Variants in DLG2 observed in about 807,000 individuals in gnomAD.
The protein encoded by DLG2 is discs large MAGUK scaffold protein 2, also known as disks large homolog 2.
DLG2 carries 45 observed loss-of-function variants against 132.5 expected under a neutral mutation model. The observed-to-expected ratio is 0.34, with a 90% CI of 0.27 to 0.44. The LOEUF is 0.44. Among genes scored for constraint, DLG2 ranks in the 20% least tolerant of loss-of-function variants. DLG2 has a pLI of 1.00. For missense variants in DLG2, 1,045 were observed against 1,196.9 expected, an observed-to-expected ratio of 0.87 and a Z score of 1.87; for synonymous variants, 424 against 419.6, an observed-to-expected ratio of 1.01 and a Z score of -0.13.
At chr11:84,259,263 G>GAAAAAA (rs397968137) in intron 7 of DLG2, among the ~76,000 whole-genome samples, 78 of 97,294 alleles carry the variant, frequency 8.0e-4, no homozygotes, top group Non-Finnish European at 1.4e-3. Context: ...ACTGTGTCTC[G>GAAAAAA]AAAAAAAAAA....
At chr11:85,415,824 A>G (rs900557249) in intron 3 of DLG2, among the ~76,000 whole-genome samples, 3 of 150,812 alleles carry the variant, frequency 2.0e-5, no homozygotes, top group African/African-American at 7.3e-5. Flanking sequence ...TGATGATAGT[A>G]TCTATCATCA....
In DLG2 at chr11:85,321,072, T is replaced by C. The variant is rs541076273; in HGVS notation, c.41-35707A>G. 3.7e-4 allele frequency among the ~76,000 whole-genome samples: 57 copies of C among 152,042 alleles called. No individual in the cohort carries two copies. In the East Asian group the frequency reaches 8.9e-3, roughly 24 times the overall value. On this transcript the variant is annotated intron_variant, in intron 3 of 27. Transcript: ENST00000376104. ...CTACTGTTTAGGGAATAGGAAACTA[T>C]TGAGCACTCTAGGTAAGAGATGATA...
chr11:83,905,041 T>A (rs2074376067), intron 15 of DLG2, among the ~76,000 whole-genome samples: 1 of 152,174 alleles, frequency 6.6e-6, no homozygotes, highest in Non-Finnish European at 1.5e-5. Flanking sequence ...TAAACCAGCT[T>A]AATCTACTTT....
At chr11:85,335,711 G>T (rs542824527) in intron 3 of DLG2, among the ~76,000 whole-genome samples, 5 of 151,912 alleles carry the variant, frequency 3.3e-5, no homozygotes, top group African/African-American at 1.2e-4. Flanking sequence ...GACAAACACC[G>T]CATGTTCTCA....
At chr11:84,066,255 C>A (rs1356066496) in intron 10 of DLG2, among the ~76,000 whole-genome samples, 1 of 152,140 alleles carries the variant, frequency 6.6e-6, no homozygotes, top group Non-Finnish European at 1.5e-5. Flanking sequence ...TGCATATTCA[C>A]CTAAATATTA....
chr11:83,820,362 T>C (rs1053653776), intron 17 of DLG2, among the ~76,000 whole-genome samples: 9 of 152,184 alleles, frequency 5.9e-5, no homozygotes, highest in African/African-American at 1.7e-4. Context: ...ATTATAATAA[T>C]ACCATCCCCT....
At chr11:83,617,186 TA>T (rs1378294285) in intron 19 of DLG2, among the ~76,000 whole-genome samples, 2 of 152,158 alleles carry the variant, frequency 1.3e-5, no homozygotes, top group African/African-American at 4.8e-5. Flanking sequence ...AACAAATAAA[TA>T]AAAAATATCT....
chr11:84,404,435 A>G (rs969510946), intron 7 of DLG2, among the ~76,000 whole-genome samples: 7 of 152,108 alleles, frequency 4.6e-5, no homozygotes, highest in African/African-American at 9.7e-5. Flanking sequence ...CTACCTTTTC[A>G]TTGCAGTACG....
chr11:85,240,596 T>C (rs2075827341), intron 4 of DLG2, among the ~76,000 whole-genome samples: 1 of 151,890 alleles, frequency 6.6e-6, no homozygotes, highest in African/African-American at 2.4e-5. Flanking sequence ...ATCTTTGTGT[T>C]TGATGGAAGC....
At chr11:85,057,448 C>A (rs1025399410) in intron 6 of DLG2, among the ~76,000 whole-genome samples, 2 of 151,482 alleles carry the variant, frequency 1.3e-5, no homozygotes, top group Admixed American at 1.3e-4. Flanking sequence ...AGCCTAGCTG[C>A]AAAATAACTT....
chr11:84,985,298 A>G (rs1350226389), intron 6 of DLG2, among the ~76,000 whole-genome samples: 2 of 152,192 alleles, frequency 1.3e-5, no homozygotes, highest in Non-Finnish European at 2.9e-5. Flanking sequence ...ACAGTGCGTT[A>G]AAACTGGAAA....
At chr11:83,934,514 A>T (rs960634188) in intron 14 of DLG2, among the ~76,000 whole-genome samples, 1 of 151,808 alleles carries the variant, frequency 6.6e-6, no homozygotes, top group Non-Finnish European at 1.5e-5. Flanking sequence ...GCCCTGTATC[A>T]GAGATAATGT....
At chr11:84,102,152 C>A (rs997081702) in intron 9 of DLG2, among the ~76,000 whole-genome samples, 1 of 152,138 alleles carries the variant, frequency 6.6e-6, no homozygotes. Context: ...TATCACCCAA[C>A]CCTTCTCTAG....
At chr11:84,679,883 T>C (rs1201001621) in intron 6 of DLG2, among the ~76,000 whole-genome samples, 2 of 152,128 alleles carry the variant, frequency 1.3e-5, no homozygotes, top group African/African-American at 2.4e-5. Flanking sequence ...AATTTATTCA[T>C]GTAACAGTAT....
At chr11:83,587,312 A>C (rs1473286557) in intron 19 of DLG2, among the ~76,000 whole-genome samples, 2 of 151,534 alleles carry the variant, frequency 1.3e-5, no homozygotes, top group African/African-American at 4.9e-5. Context: ...GCTCTGTCAC[A>C]CAGGCTAGAG....
At chr11:84,838,354 T>A (rs902782245) in intron 6 of DLG2, among the ~76,000 whole-genome samples, 1 of 151,480 alleles carries the variant, frequency 6.6e-6, no homozygotes, top group Non-Finnish European at 1.5e-5. Flanking sequence ...AGCTAGTGGA[T>A]CCTGTCTTTA....
intron 8 of DLG2, among the ~76,000 whole-genome samples, chr11:84,181,934 G>A (rs552760841): frequency 6.6e-6 from 1 of 152,280 alleles, no homozygotes; most frequent in African/African-American, 2.4e-5. Flanking sequence ...TATAGTTGGA[G>A]ACTTGAACGC....
At chr11:84,592,149 C>T (rs1270522247) in intron 6 of DLG2, among the ~76,000 whole-genome samples, 3 of 152,184 alleles carry the variant, frequency 2.0e-5, no homozygotes, top group Non-Finnish European at 4.4e-5. Flanking sequence ...AACCACGGCA[C>T]CCAGCCAAGT....
At chr11:85,097,316 G>A (rs753594127) in intron 6 of DLG2, among the ~76,000 whole-genome samples, 1 of 152,102 alleles carries the variant, frequency 6.6e-6, no homozygotes, top group African/African-American at 2.4e-5. Context: ...TCAGGCAGGG[G>A]ACTATCTGGA....
Sources: allele counts gnomAD v4.1 joint callset (sites outside exome capture counted in the v4.1 genomes callset), GRCh38; gene constraint gnomAD v4.1.1; transcripts MANE v1.5; gene names NCBI Gene and HGNC (gene_info 2026-07-23, HGNC 2026-07-21).